The following TMEM276 variants were observed in gnomAD, a reference collection of about 807,000 sequenced individuals.
TMEM276 encodes transmembrane protein 276.
At chr8:144,464,361 AGCCACAGAGCG>A in the TMEM276 span, 1 of 1,611,370 alleles carries the variant, frequency 6.2e-7, no homozygotes, top group Non-Finnish European at 8.5e-7. Context: ...TTGCCTGACC[AGCCACAGAGCG>A]GCCCTCAGGG....
the TMEM276 span, chr8:144,465,193 A>T: frequency 7.7e-7 from 1 of 1,306,924 alleles, no homozygotes; most frequent in Non-Finnish European, 9.9e-7. Context: ...CTGGAGCCCA[A>T]GTGGGAGTGC....
the TMEM276 span, chr8:144,464,892 T>TG: frequency 4.3e-6 from 7 of 1,611,898 alleles, no homozygotes; most frequent in East Asian, 2.2e-5. Flanking sequence ...GCCCCCGGCT[T>TG]GGGGGCCATG....
At chr8:144,466,159 G>T in the TMEM276 span, 2 of 167,082 alleles carry the variant, frequency 1.2e-5, no homozygotes, top group Non-Finnish European at 1.3e-5. Flanking sequence ...CGGGAGCCGT[G>T]GGCGCTCTCA....
chr8:144,466,856 G>C, the TMEM276 span: 9 of 1,536,576 alleles, frequency 5.9e-6, no homozygotes, highest in Admixed American at 1.4e-4. Flanking sequence ...CGGGCTGGGA[G>C]TCCCGCGGTG....
At chr8:144,465,257 G>T in the TMEM276 span, 1 of 1,129,168 alleles carries the variant, frequency 8.9e-7, no homozygotes, top group Non-Finnish European at 1.1e-6. Flanking sequence ...GGCGGCCTCG[G>T]CCTGCTCCCT....
At chr8:144,465,109 A>T in the TMEM276 span, 1 of 1,488,354 alleles carries the variant, frequency 6.7e-7, no homozygotes, top group Non-Finnish European at 8.9e-7. Context: ...GTGGAGAAGA[A>T]GAACCTAATT....
At chr8:144,464,938 A>G in the TMEM276 span, 2 of 1,604,114 alleles carry the variant, frequency 1.2e-6, no homozygotes, top group Non-Finnish European at 1.7e-6. Context: ...GGACACAGAT[A>G]GGAGATACTC....
the TMEM276 span, chr8:144,464,056 G>A: frequency 1.3e-6 from 2 of 1,551,400 alleles, no homozygotes; most frequent in East Asian, 2.3e-5. Context: ...TAGGGAGAAG[G>A]CGCCAGGAGC....
At chr8:144,464,762 T>G in the TMEM276 span, 1 of 1,607,902 alleles carries the variant, frequency 6.2e-7, no homozygotes, top group Non-Finnish European at 8.5e-7. Context: ...GTCCTTGGGG[T>G]TTGGGAGGTA....
the TMEM276 span, among the ~76,000 whole-genome samples, chr8:144,465,859 G>T: frequency 8.9e-4 from 107 of 120,736 alleles, 1 homozygote; most frequent in South Asian, 6.2e-3. Flanking sequence ...GGATGCGATG[G>T]GGGGGTCTGG....
At chr8:144,464,755 C>G in the TMEM276 span, 2 of 1,606,380 alleles carry the variant, frequency 1.2e-6, no homozygotes, top group Non-Finnish European at 1.7e-6. Flanking sequence ...AAACTAGGTC[C>G]TTGGGGTTTG....
chr8:144,464,177 TGC>T, the TMEM276 span: 1 of 1,613,050 alleles, frequency 6.2e-7, no homozygotes, highest in Non-Finnish European at 8.5e-7. Flanking sequence ...TAAGCCCAGC[TGC>T]CTACAGCCAA....
chr8:144,466,211 C>CG, the TMEM276 span: 1 of 183,390 alleles, frequency 5.5e-6, no homozygotes, highest in African/African-American at 2.4e-5. Context: ...CGCCGGGCGG[C>CG]GCCGTGAGAA....
At chr8:144,466,373 G>T in the TMEM276 span, 1 of 824,418 alleles carries the variant, frequency 1.2e-6, no homozygotes, top group Admixed American at 4.9e-5. Flanking sequence ...CTGGGCGCGG[G>T]GACGCGGGGC....
chr8:144,466,428 C>G, the TMEM276 span: 10 of 1,347,884 alleles, frequency 7.4e-6, no homozygotes, highest in African/African-American at 1.2e-4. Flanking sequence ...CCATGTACGC[C>G]TTTTACTCGT....
the TMEM276 span, chr8:144,464,235 C>G: frequency 1.2e-6 from 2 of 1,612,870 alleles, no homozygotes; most frequent in Non-Finnish European, 1.7e-6. Context: ...GCAGCCTGTC[C>G]TCCTCCAGCC....
the TMEM276 span, chr8:144,465,213 G>T: frequency 8.1e-7 from 1 of 1,237,480 alleles, no homozygotes. Flanking sequence ...CGGGCCTGGG[G>T]AAGAGAGAGC....
At chr8:144,464,453 C>T in the TMEM276 span, 15 of 1,612,194 alleles carry the variant, frequency 9.3e-6, no homozygotes, top group Non-Finnish European at 1.3e-5. Flanking sequence ...GAGCGGTCCC[C>T]ATTCACCCAG....
At chr8:144,466,935 C>T in the TMEM276 span, 10 of 1,582,360 alleles carry the variant, frequency 6.3e-6, no homozygotes, top group Middle Eastern at 1.7e-4. Context: ...CGAAATGTCT[C>T]CCGCCCTCCT....
Sources: gnomAD v4.1 joint callset for allele counts (sites outside exome capture counted in the v4.1 genomes callset) on GRCh38, gnomAD v4.1.1 for gene constraint, MANE v1.5 for transcripts, NCBI Gene and HGNC (gene_info 2026-07-23, HGNC 2026-07-21) for gene names.